Variants in C12orf75 observed in about 807,000 individuals in gnomAD.
C12orf75 encodes the protein chromosome 12 open reading frame 75, also known as overexpressed in colon carcinoma 1 protein.
A neutral mutation model predicts 11.4 loss-of-function variants in C12orf75; 4 were observed. That is an observed-to-expected ratio of 0.35 (90% CI 0.17 to 0.80). The LOEUF is 0.80. Ranked by LOEUF, C12orf75 falls within the 30% of genes least tolerant of loss-of-function variation. C12orf75 has a pLI of 0.52. For synonymous variants in C12orf75, 30 were observed against 30.0 expected (o/e 1.00, Z 0.00); for missense variants, 89 against 80.4 (o/e 1.11, Z -0.41).
chr12:105,360,072 T>C lies in C12orf75; in HGVS notation c.72-5735T>C, dbSNP rs181128270. Among the ~76,000 whole-genome samples, 72 of 152,350 alleles carry C rather than the reference T, an allele frequency of 4.7e-4. No individual in the cohort carries two copies. The East Asian group carries it at 0.012, about 24-fold the overall frequency. ...GAAGATTCTAGAGGGTGAAGTCATC[T>C]CATTCCTTGCTCTTACTGATCTGCA... On this transcript the variant is annotated intron_variant, in intron 2 of 5. Coordinates refer to ENST00000443585, the MANE Select transcript of C12orf75 (RefSeq NM_001145199.2).
chr12:105,343,373 G>T (rs937248016), intron 1 of C12orf75, among the ~76,000 whole-genome samples: 5 of 152,170 alleles, frequency 3.3e-5, no homozygotes, highest in Non-Finnish European at 5.9e-5. Context: ...TAGGATGAAT[G>T]ATGTATCCTT....
intron 2 of C12orf75, 27 bp from the exon 3 acceptor site, chr12:105,365,780 T>C: frequency 6.6e-7 from 1 of 1,520,086 alleles, no homozygotes; most frequent in Non-Finnish European, 8.9e-7. Context: ...ACCAAGTGTC[T>C]CATAGCAAAT....
At position 105,339,762 on chromosome 12, in the gene C12orf75, G is replaced by A. The variant is rs113056768; in HGVS notation, c.46+8825G>A. Among the ~76,000 whole-genome samples, 1,056 of 151,860 alleles carry A rather than the reference G, an allele frequency of 7.0e-3. 13 individuals are homozygous for A. The highest frequency in any genetic ancestry group is 0.024 in the African/African-American group (992 of 41,390). On this transcript the variant is annotated intron_variant, in intron 1 of 5. Coordinates refer to ENST00000443585, the MANE Select transcript of C12orf75 (RefSeq NM_001145199.2). ...CTCCCGAGTAGCTGGGACTATAGGCGCCCGCCACCACGCTCAGCTAATTTT... is the reference window on the plus strand; with the variant it reads ...CTCCCGAGTAGCTGGGACTATAGGCACCCGCCACCACGCTCAGCTAATTTT...
chr12:105,339,695 C>A (rs1231158396), intron 1 of C12orf75, among the ~76,000 whole-genome samples: 1 of 152,042 alleles, frequency 6.6e-6, no homozygotes, highest in Non-Finnish European at 1.5e-5. Context: ...CCGCTCACTG[C>A]AAGCTCCGCC....
At chr12:105,344,890 C>CT (rs990735927) in intron 1 of C12orf75, among the ~76,000 whole-genome samples, 1 of 152,058 alleles carries the variant, frequency 6.6e-6, no homozygotes, top group African/African-American at 2.4e-5. Context: ...ACTCTTTATC[C>CT]TTTTCCACAA....
At chr12:105,342,052 C>A (rs1408657353) in intron 1 of C12orf75, among the ~76,000 whole-genome samples, 4 of 152,166 alleles carry the variant, frequency 2.6e-5, no homozygotes, top group Non-Finnish European at 5.9e-5. Flanking sequence ...ATAAATTACC[C>A]AGTCTAGGGT....
chr12:105,341,712 T>A (rs1158640845), intron 1 of C12orf75, among the ~76,000 whole-genome samples: 1 of 152,202 alleles, frequency 6.6e-6, no homozygotes, highest in Non-Finnish European at 1.5e-5. Flanking sequence ...GATGGGTAGA[T>A]AAGTTCACCA....
intron 2 of C12orf75, among the ~76,000 whole-genome samples, chr12:105,358,090 T>C (rs1049881639): frequency 2.0e-5 from 3 of 152,180 alleles, no homozygotes; most frequent in Non-Finnish European, 4.4e-5. Flanking sequence ...TCAAGATATC[T>C]GTCTGCCTTG....
intron 2 of C12orf75, among the ~76,000 whole-genome samples, chr12:105,360,366 C>T (rs760767752): frequency 2.1e-4 from 32 of 152,342 alleles, no homozygotes; most frequent in African/African-American, 3.1e-4. Flanking sequence ...CGGAGTGGCT[C>T]ATCCAGGAGC....
intron 2 of C12orf75, 61 bp from the exon 3 acceptor site, chr12:105,365,745 CA>C (rs1871451691): frequency 8.2e-7 from 1 of 1,219,014 alleles, no homozygotes; most frequent in Non-Finnish European, 1.2e-6. Context: ...TTCTCATAAC[CA>C]AAAATGAAGT....
chr12:105,365,698 T>C (rs1871450884), intron 2 of C12orf75, 109 bp from the exon 3 acceptor site: 4 of 749,956 alleles, frequency 5.3e-6, no homozygotes, highest in Admixed American at 2.1e-5. Context: ...GATGGAAACA[T>C]TTGAAATAAA....
At chr12:105,343,296 T>C (rs1170937974) in intron 1 of C12orf75, among the ~76,000 whole-genome samples, 1 of 152,234 alleles carries the variant, frequency 6.6e-6, no homozygotes, top group Non-Finnish European at 1.5e-5. Flanking sequence ...CCTAGGCCCA[T>C]TGTATTAACC....
chr12:105,366,494 T>G lies in C12orf75; in HGVS notation c.108-123T>G, dbSNP rs374865741. The G allele has an allele frequency of 5.2e-5, 24 of 458,586 alleles. 2 individuals carry two copies. In the East Asian group the frequency reaches 5.7e-4, roughly 11 times the overall value. The allele number at this position is 458,586 out of a possible 1,614,324, so 28.4% of individuals were successfully genotyped here. ...TCCCAAGGGCCATAATATTCTAGAT[T>G]CTACTTTTGAAAAATCATGAGTTAT... is the stretch of plus-strand genomic sequence containing the variant. On this transcript the variant is annotated intron_variant, in intron 3 of 5. Transcript: ENST00000443585.
intron 2 of C12orf75, among the ~76,000 whole-genome samples, chr12:105,364,718 T>A (rs527495345): frequency 2.2e-4 from 34 of 152,204 alleles, no homozygotes; most frequent in Non-Finnish European, 4.1e-4. Context: ...ATTGGAATCT[T>A]GTTGAATTAT....
chr12:105,331,686 C>T (rs1246915086), intron 1 of C12orf75, among the ~76,000 whole-genome samples: 4 of 152,120 alleles, frequency 2.6e-5, no homozygotes, highest in East Asian at 3.8e-4. Flanking sequence ...CTAGCTTCCC[C>T]GGGCCAGCCA....
chr12:105,366,870 G>A (rs1871495290), intron 4 of C12orf75, among the ~76,000 whole-genome samples, 174 bp downstream of exon 4: 1 of 152,172 alleles, frequency 6.6e-6, no homozygotes, highest in Non-Finnish European at 1.5e-5. Flanking sequence ...CCACCCACAT[G>A]GTAAGAAGAA....
intron 2 of C12orf75, among the ~76,000 whole-genome samples, chr12:105,355,170 TTTTCTTTTTC>T (rs1376980633): frequency 6.4e-5 from 3 of 46,854 alleles, no homozygotes; most frequent in East Asian, 4.0e-4. Flanking sequence ...TTCTTTTTCT[TTTTCTTTTTC>T]TTTTTTTTTT....
At chr12:105,347,957 C>T (rs905869597) in intron 1 of C12orf75, among the ~76,000 whole-genome samples, 7 of 152,144 alleles carry the variant, frequency 4.6e-5, no homozygotes, top group Admixed American at 6.6e-5. Flanking sequence ...AAATGTTTCT[C>T]GAAGTCTACC....
intron 5 of C12orf75, among the ~76,000 whole-genome samples, chr12:105,367,713 C>G (rs1403135113): frequency 6.6e-6 from 1 of 152,064 alleles, no homozygotes; most frequent in African/African-American, 2.4e-5. Flanking sequence ...TTTTTCATTT[C>G]ATTTTGTTAA....
Sources: gnomAD v4.1 joint callset for allele counts (sites outside exome capture counted in the v4.1 genomes callset) on GRCh38, gnomAD v4.1.1 for gene constraint, MANE v1.5 for transcripts, NCBI Gene and HGNC (gene_info 2026-07-23, HGNC 2026-07-21) for gene names.